The following ESRP2 variants were observed in gnomAD, a reference collection of about 807,000 sequenced individuals.
ESRP2 encodes epithelial splicing regulatory protein 2, also known as RNA binding motif protein 35A.
ESRP2 carries 48 observed loss-of-function variants against 78.6 expected under a neutral mutation model. That is an observed-to-expected ratio of 0.61 (90% CI 0.48 to 0.78). The LOEUF is 0.78. Among genes scored for constraint, ESRP2 ranks in the 30% least tolerant of loss-of-function variants. The pLI is 0.00. For synonymous variants in ESRP2, 383 were observed against 406.7 expected, an observed-to-expected ratio of 0.94 and a Z score of 0.70; for missense variants, 863 against 965.9, an observed-to-expected ratio of 0.89 and a Z score of 1.41.
Position 68,235,689 on chromosome 16 carries a change from C to T in ESRP2, c.272G>A (p.Gly91Asp). 2 of 1,600,008 alleles carry T rather than the reference C, an allele frequency of 1.2e-6. No homozygotes were observed. The highest frequency in any genetic ancestry group is 1.7e-6 in the Non-Finnish European group (2 of 1,178,420). The change falls in exon 2 of 15, where the codon GGC (glycine) becomes GAC (aspartate). Residue 91 changes from glycine to aspartate, a missense_variant. Coordinates refer to ENST00000473183, the MANE Select transcript of ESRP2 (RefSeq NM_024939.3). The surrounding 1 kb of genome is among the most constrained non-coding windows in gnomAD (Gnocchi z 5.5). ...ALSTQCREAS[G>D]LSADSLARAE... ...CCGCGCCAGGCTGTCGGCGCTCAGG[C>T]CGCTCGCCTCGCGGCACTGCGTACT...
In ESRP2 at chr16:68,232,232, T is replaced by C; in HGVS notation, c.997+14A>G. On this transcript the variant is annotated intron_variant, in intron 9 of 14. Transcript: ENST00000473183. The surrounding 1 kb of genome is among the most constrained non-coding windows in gnomAD (Gnocchi z 5.2). ...AGAACCAGGGGAGCCAGGCCCTGTT[T>C]GCAGTATACTCACCCCCTGCAATCT... is the stretch of plus-strand genomic sequence containing the variant. 6.2e-7 allele frequency: 1 copy of C among 1,614,114 alleles called. No individual in the cohort carries two copies. Among genetic ancestry groups the C allele is most frequent in the Non-Finnish European group, 8.5e-7 (1 of 1,179,984 alleles).
In ESRP2 at chr16:68,235,101, G is replaced by A; in HGVS notation, c.327+533C>T. 3.0e-6 allele frequency: 3 copies of A among 987,916 alleles called. No individual in the cohort carries two copies. The African/African-American group carries it at 5.2e-5, about 17-fold the overall frequency. The allele number at this position is 987,916 out of a possible 1,614,324, so 61.2% of individuals were successfully genotyped here. A position where few individuals can be genotyped will look rare whatever the true frequency, so the allele number is the denominator to read the frequency against. On this transcript the variant is annotated intron_variant, in intron 2 of 14. Coordinates refer to ENST00000473183, the MANE Select transcript of ESRP2 (RefSeq NM_024939.3). This position sits in a 1 kb window ranked among gnomAD's most constrained non-coding sequence, Gnocchi z 5.5. ...ACTCAGCAGGCAGATAGTCCCCCAG[G>A]CCAGGCCGGGACAGCGCCCACGCCT...
rs770884448 is a variant in ESRP2, at chr16:68,236,018, G to A, written c.28C>T (p.Pro10Ser). 1.1e-5 allele frequency: 17 copies of A among 1,489,242 alleles called. No homozygotes were observed. In the Admixed American group the frequency reaches 2.4e-4, roughly 21 times the overall value. The allele number at this position is 1,489,242 out of a possible 1,614,324, so 92.3% of individuals were successfully genotyped here. Residue 10 changes from proline (P) to serine (S), a missense_variant, in exon 1 of 15, where the codon CCC (proline) becomes TCC (serine). Transcript: ENST00000473183. The surrounding 1 kb of genome is among the most constrained non-coding windows in gnomAD (Gnocchi z 5.2). MTPPPPPPPPPGPDPAADPA... is the reference protein window; with the variant it reads MTPPPPPPPSPGPDPAADPA... ...TCGGCCGCGGGGTCAGGGCCCGGGG[G>A]AGGGGGCGGCGGCGGCGGCGGAGTC... is the stretch of plus-strand genomic sequence containing the variant.
Position 68,235,830 on chromosome 16 carries a change from G to T in ESRP2, c.198+18C>A. ...CCGGAAGCTCCCTGGGGACCTCACC[G>T]CCTCTTTTCCACCCTACCTGGCGGC... is the stretch of plus-strand genomic sequence containing the variant. On this transcript the variant is annotated intron_variant, in intron 1 of 14. Coordinates refer to ENST00000473183, the MANE Select transcript of ESRP2 (RefSeq NM_024939.3). The surrounding 1 kb of genome is among the most constrained non-coding windows in gnomAD (Gnocchi z 5.5). The T allele has an allele frequency of 6.2e-7, 1 of 1,611,248 alleles. No homozygotes were observed. Among genetic ancestry groups the T allele is most frequent in the Non-Finnish European group, 8.5e-7 (1 of 1,179,222 alleles).
At position 68,230,085 on chromosome 16, in the gene ESRP2, G is replaced by C; in HGVS notation, c.*141C>G. Reference sequence around the variant, plus strand: ...CAGAATAAGTGGAGGATGGAGCTGGGGCTTGGGCTCCTCTAGGTACCTTCT... The same window carrying C: ...CAGAATAAGTGGAGGATGGAGCTGGCGCTTGGGCTCCTCTAGGTACCTTCT... On this transcript the variant is annotated 3_prime_UTR_variant, in exon 15 of 15. Coordinates refer to ENST00000473183, the MANE Select transcript of ESRP2 (RefSeq NM_024939.3). The C allele has an allele frequency of 1.4e-6, 1 of 724,378 alleles. No homozygotes were observed. The highest frequency in any genetic ancestry group is 2.7e-5 in the East Asian group (1 of 37,716). 44.9% of individuals were successfully genotyped at this position (724,378 alleles called of 1,614,324 possible).
chr16:68,232,634 G>T lies in ESRP2; in HGVS notation c.764C>A (p.Pro255Gln). The change falls in exon 7 of 15, where the codon CCG becomes CAG. Residue 255 changes from proline to glutamine, a missense_variant. Pro to Gln is a moderately conservative substitution (Grantham distance 76, BLOSUM62 -1). Transcript: ENST00000473183. This position sits in a 1 kb window ranked among gnomAD's most constrained non-coding sequence, Gnocchi z 5.2. ...SETVVRARGL[P>Q]WQSSDQDVAR... ...CACGTCCTGGTCTGATGACTGCCAC[G>T]GCAACCCACGAGCCCGTACCACAGT... 6.2e-7 allele frequency: 1 copy of T among 1,614,104 alleles called. No homozygotes were observed. Among genetic ancestry groups the T allele is most frequent in the Admixed American group, 1.7e-5 (1 of 60,018 alleles).
At position 68,235,534 on chromosome 16, in the gene ESRP2, A is replaced by C. The variant is rs1596930988; in HGVS notation, c.327+100T>G. The stretch of plus-strand genomic sequence containing the variant: ...ACAAGAGCCCAGTCCTGCCGCCTGG[A>C]CCGGTTGGTTGCGGCACGCCAGGCC... On this transcript the variant is annotated intron_variant, in intron 2 of 14. Transcript: ENST00000473183. This position sits in a 1 kb window ranked among gnomAD's most constrained non-coding sequence, Gnocchi z 5.5. 6.6e-7 allele frequency: 1 copy of C among 1,517,926 alleles called. No individual in the cohort carries two copies. Among genetic ancestry groups the C allele is most frequent in the Non-Finnish European group, 8.8e-7 (1 of 1,141,680 alleles). 94.0% of individuals were successfully genotyped at this position (1,517,926 alleles called of 1,614,324 possible). A position where few individuals can be genotyped will look rare whatever the true frequency, so the allele number is the denominator to read the frequency against.
chr16:68,235,153 C>CCT lies in ESRP2; in HGVS notation c.327+480_327+481insAG, dbSNP rs1555526847. ...GCCAGCCGGCCGGGACAGGCCTAGACGAGCAGTTTACACCTGGCGGCGTCT... is the reference window on the plus strand; with the variant it reads ...GCCAGCCGGCCGGGACAGGCCTAGACCTGAGCAGTTTACACCTGGCGGCGTCT... On this transcript the variant is annotated intron_variant, in intron 2 of 14. Coordinates refer to ENST00000473183, the MANE Select transcript of ESRP2 (RefSeq NM_024939.3). This position sits in a 1 kb window ranked among gnomAD's most constrained non-coding sequence, Gnocchi z 5.5. 2.1e-5 allele frequency: 21 copies of CCT among 999,848 alleles called. No individual in the cohort carries two copies. Among genetic ancestry groups the CCT allele is most frequent in the Non-Finnish European group, 2.5e-5 (21 of 838,542 alleles). The allele number at this position is 999,848 out of a possible 1,614,324, so 61.9% of individuals were successfully genotyped here.
intron 2 of ESRP2, 48 bp from the exon 3 acceptor site, chr16:68,234,155 G>A: frequency 2.1e-6 from 3 of 1,447,162 alleles, no homozygotes; most frequent in Non-Finnish European, 2.9e-6. Flanking sequence ...TCACAGCTGG[G>A]CAGGCAGGAA....
Position 68,235,553 on chromosome 16 carries a change from C to A in ESRP2, c.327+81G>T. 1 of 1,560,158 alleles carries A rather than the reference C, an allele frequency of 6.4e-7. No individual in the cohort carries two copies. Among genetic ancestry groups the A allele is most frequent in the Non-Finnish European group, 8.6e-7 (1 of 1,163,506 alleles). ...GCCTGGACCGGTTGGTTGCGGCACG[C>A]CAGGCCTAGCCTCCGGCCGCCAATC... On this transcript the variant is annotated intron_variant, in intron 2 of 14. Coordinates refer to ENST00000473183, the MANE Select transcript of ESRP2 (RefSeq NM_024939.3). This position sits in a 1 kb window ranked among gnomAD's most constrained non-coding sequence, Gnocchi z 5.5.
Position 68,231,549 on chromosome 16 carries a change from A to G in ESRP2, c.1445T>C (p.Leu482Pro). 1 of 1,614,108 alleles carries G rather than the reference A, an allele frequency of 6.2e-7. No individual in the cohort carries two copies. Among genetic ancestry groups the G allele is most frequent in the Non-Finnish European group, 8.5e-7 (1 of 1,180,012 alleles). ...LPYTATIEDI[L>P]SFLGEAAADI... is the part of the protein sequence containing the mutation. ...AGCTGCTGCCTCCCCCAGAAAGCTCAGGATGTCTTCAATGGTGGCCGTGTA... is the reference window on the plus strand; with the variant it reads ...AGCTGCTGCCTCCCCCAGAAAGCTCGGGATGTCTTCAATGGTGGCCGTGTA... The change falls in exon 11 of 15, where the codon CTG becomes CCG. Residue 482 changes from leucine (L) to proline (P), a missense_variant. Leu to Pro is a moderately conservative substitution (Grantham distance 98). Transcript: ENST00000473183. This position sits in a 1 kb window ranked among gnomAD's most constrained non-coding sequence, Gnocchi z 6.0.
chr16:68,233,575 G>A (rs1417112443), intron 4 of ESRP2, 150 bp from the exon 5 acceptor site: 4 of 743,186 alleles, frequency 5.4e-6, no homozygotes, highest in Non-Finnish European at 9.4e-6. Flanking sequence ...CAGATTCCCA[G>A]TCCAGACATA....
Position 68,232,213 on chromosome 16 carries a change from A to G in ESRP2, c.997+33T>C, listed in dbSNP as rs1226284182. The G allele has an allele frequency of 6.2e-7, 1 of 1,613,956 alleles. No individual in the cohort carries two copies. Among genetic ancestry groups the G allele is most frequent in the African/African-American group, 1.3e-5 (1 of 74,904 alleles). ...GGGGAAGTGAAATGGATCAAGAACC[A>G]GGGGAGCCAGGCCCTGTTTGCAGTA... is the stretch of plus-strand genomic sequence containing the variant. On this transcript the variant is annotated intron_variant, in intron 9 of 14. Coordinates refer to ENST00000473183, the MANE Select transcript of ESRP2 (RefSeq NM_024939.3). This position sits in a 1 kb window ranked among gnomAD's most constrained non-coding sequence, Gnocchi z 5.2.
chr16:68,230,990 G>T lies in ESRP2; in HGVS notation c.1749C>A (p.Thr583=). 6.2e-7 allele frequency: 1 copy of T among 1,601,874 alleles called. No individual in the cohort carries two copies. The highest frequency in any genetic ancestry group is 8.5e-7 in the Non-Finnish European group (1 of 1,174,134). The change falls in exon 13 of 15, where the codon ACC becomes ACA. Residue 583 remains threonine (T), a synonymous_variant. Transcript: ENST00000473183. ...SPPTYTTFQA[T]PTLIPTETAA... The stretch of plus-strand genomic sequence containing the variant: ...CCGTCTCCGTGGGAATGAGCGTTGG[G>T]GTGGCTTGGAAGGTGGTGTAGGTAG...
chr16:68,229,894 C>A lies in ESRP2; in HGVS notation c.*332G>T. The A allele has an allele frequency of 2.9e-6, 1 of 345,376 alleles. No individual in the cohort carries two copies. The highest frequency in any genetic ancestry group is 4.8e-5 in the South Asian group (1 of 20,738). The allele number at this position is 345,376 out of a possible 1,614,324, so 21.4% of individuals were successfully genotyped here. On this transcript the variant is annotated 3_prime_UTR_variant, in exon 15 of 15. Transcript: ENST00000473183. ...AAAAGAAAGCAAGCCTGCCGTGGAC[C>A]TGTCAGCCCCACGATATCTGTCGGC...
Position 68,234,091 on chromosome 16 carries a change from T to G in ESRP2, c.344A>C (p.Asn115Thr). Reference protein sequence around the residue: ...KVLQQFSQLVNGDVALLGGGP... With the variant: ...KVLQQFSQLVTGDVALLGGGP... ...CCCGCCCAGCAAAGCCACATCCCCG[T>G]TCACCAGCTGTGAGAACTGGGGATA... The change falls in exon 3 of 15, where the codon AAC (asparagine) becomes ACC (threonine). Residue 115 changes from asparagine (N) to threonine (T), a missense_variant. Transcript: ENST00000473183. 1 of 1,612,210 alleles carries G rather than the reference T, an allele frequency of 6.2e-7. No homozygotes were observed. The highest frequency in any genetic ancestry group is 8.5e-7 in the Non-Finnish European group (1 of 1,179,196).
At position 68,231,507 on chromosome 16, in the gene ESRP2, C is replaced by A. The variant is rs1280777222; in HGVS notation, c.1487G>T (p.Gly496Val). Residue 496 changes from glycine to valine, a missense_variant, in exon 11 of 15, where the codon GGT becomes GTT. Gly to Val is a moderately radical substitution (Grantham distance 109). Coordinates refer to ENST00000473183, the MANE Select transcript of ESRP2 (RefSeq NM_024939.3). The surrounding 1 kb of genome is among the most constrained non-coding windows in gnomAD (Gnocchi z 6.0). The part of the protein sequence containing the change: ...GEAAADIRPH[G>V]VHMVLNQQGR... The stretch of plus-strand genomic sequence containing the variant: ...CTGCTGGTTGAGCACCATGTGTACA[C>A]CGTGGGGCCGAATGTCAGCTGCTGC... 2 of 1,614,070 alleles carry A rather than the reference C, an allele frequency of 1.2e-6. No individual in the cohort carries two copies. Among genetic ancestry groups the A allele is most frequent in the South Asian group, 2.2e-5 (2 of 91,086 alleles).
At chr16:68,233,461 C>G (rs1180596588) in intron 4 of ESRP2, 36 bp from the exon 5 acceptor site, 1 of 1,482,784 alleles carries the variant, frequency 6.7e-7, no homozygotes, top group Non-Finnish European at 9.4e-7. Flanking sequence ...GACATCTTAG[C>G]ATAAGCACTA....
At chr16:68,233,487 G>A (rs1166343210) in intron 4 of ESRP2, 62 bp from the exon 5 acceptor site, 1 of 1,266,228 alleles carries the variant, frequency 7.9e-7, no homozygotes, top group African/African-American at 1.5e-5. Flanking sequence ...GTTTACTCCT[G>A]GGCCCAACTC....
Sources: allele counts gnomAD v4.1 joint callset, GRCh38; gene constraint gnomAD v4.1.1; non-coding constraint Gnocchi (gnomAD v3.1); transcripts MANE v1.5; gene names NCBI Gene and HGNC (gene_info 2026-07-23, HGNC 2026-07-21).